The following ASXL3 variants were observed in gnomAD, a reference collection of about 807,000 sequenced individuals.
ASXL3 encodes putative Polycomb group protein ASXL3.
Under a neutral mutation model 170.6 loss-of-function variants are expected in ASXL3, and 34 were observed. That is an observed-to-expected ratio of 0.20 (90% CI 0.15 to 0.27). The LOEUF (loss-of-function observed/expected upper bound fraction) is 0.27. Ranked by LOEUF, ASXL3 falls within the 10% of genes least tolerant of loss-of-function variation. ASXL3 has a pLI of 1.00. For missense variants in ASXL3, 2,592 were observed against 2,695.3 expected, an observed-to-expected ratio of 0.96 and a Z score of 0.85; for synonymous variants, 1,002 against 989.1, an observed-to-expected ratio of 1.01 and a Z score of -0.24.
At chr18:33,659,663 A>T (rs117250343) in intron 4 of ASXL3, among the ~76,000 whole-genome samples, 1,927 of 152,230 alleles carry the variant, frequency 0.013, 32 homozygotes, top group Middle Eastern at 0.037. Context: ...ATTTCTTGAT[A>T]AATAAGCTTT....
chr18:33,613,217 T>C (rs2065364774), intron 2 of ASXL3, among the ~76,000 whole-genome samples: 1 of 152,072 alleles, frequency 6.6e-6, no homozygotes, highest in South Asian at 2.1e-4. Flanking sequence ...GCCAGATGGT[T>C]CTGGGTAGTG....
Position 33,745,991 on chromosome 18 carries a change from C to T in ASXL3, c.6143C>T (p.Ala2048Val), listed in dbSNP as rs374198339. 4 of 1,585,260 alleles carry T rather than the reference C, an allele frequency of 2.5e-6. No homozygotes were observed. The highest frequency in any genetic ancestry group is 1.4e-5 in the African/African-American group (1 of 71,612). Reference sequence around the variant, plus strand: ...CCGCTACCTCCACCTCTCCCTAATGCAGAAGTCCCATCTGATCAAAAACAA... The same window carrying T: ...CCGCTACCTCCACCTCTCCCTAATGTAGAAGTCCCATCTGATCAAAAACAA... The part of the protein sequence containing the change: ...PPPLPPPLPN[A>V]EVPSDQKQPP... Residue 2048 changes from alanine (A) to valine (V), a missense_variant, in exon 12 of 12, where the codon GCA becomes GTA. By Grantham distance (64) the Ala-to-Val change is moderately conservative (BLOSUM62 0). Around this residue, in one of 4 missense-constraint regions of ASXL3, gnomAD observed 2,246 missense variants for 2,219.6 expected, o/e 1.01. Transcript: ENST00000269197.
At position 33,744,038 on chromosome 18, in the gene ASXL3, G is replaced by A. The variant is rs1363787473; in HGVS notation, c.4190G>A (p.Cys1397Tyr). 1.9e-6 allele frequency: 3 copies of A among 1,614,028 alleles called. No homozygotes were observed. The highest frequency in any genetic ancestry group is 1.7e-6 in the Non-Finnish European group (2 of 1,179,894). Residue 1397 changes from cysteine to tyrosine, a missense_variant, in exon 12 of 12, where the codon TGC (cysteine) becomes TAC (tyrosine). Cys to Tyr is a radical substitution (Grantham distance 194). Transcript: ENST00000269197. The stretch of plus-strand genomic sequence containing the variant: ...ACCACTGTGAGAGCAGCCCTCAGCT[G>A]CAGTGATTCTGTAGCGGTCACAGAC... ...MGTTVRAALS[C>Y]SDSVAVTDSL...
At chr18:33,730,329 G>A (rs569260920) in intron 8 of ASXL3, among the ~76,000 whole-genome samples, 1 of 152,232 alleles carries the variant, frequency 6.6e-6, no homozygotes, top group African/African-American at 2.4e-5. Context: ...TGGGAACCTG[G>A]ACTTCTAATC....
intron 8 of ASXL3, among the ~76,000 whole-genome samples, chr18:33,727,393 G>A (rs960991967): frequency 2.6e-5 from 4 of 152,038 alleles, no homozygotes; most frequent in Non-Finnish European, 5.9e-5. Flanking sequence ...TATGCAAGGA[G>A]GAAAGTTTAT....
chr18:33,605,277 G>C (rs1235766002), intron 1 of ASXL3, among the ~76,000 whole-genome samples: 1 of 151,980 alleles, frequency 6.6e-6, no homozygotes, highest in Non-Finnish European at 1.5e-5. Flanking sequence ...TCTGATTCAT[G>C]TCTCTGCCAT....
chr18:33,640,637 G>T (rs1420167245), intron 2 of ASXL3, among the ~76,000 whole-genome samples: 1 of 152,048 alleles, frequency 6.6e-6, no homozygotes, highest in Non-Finnish European at 1.5e-5. Flanking sequence ...CACAGATACT[G>T]TATCAAGAAT....
chr18:33,617,084 G>A (rs1397674466), intron 2 of ASXL3, among the ~76,000 whole-genome samples: 1 of 152,104 alleles, frequency 6.6e-6, no homozygotes, highest in Non-Finnish European at 1.5e-5. Flanking sequence ...CATTTTGAAA[G>A]TTATTTATAA....
At chr18:33,591,935 T>A (rs939894500) in intron 1 of ASXL3, among the ~76,000 whole-genome samples, 2 of 152,128 alleles carry the variant, frequency 1.3e-5, no homozygotes, top group African/African-American at 2.4e-5. Flanking sequence ...CTACTTATTT[T>A]TTTTTTTGGA....
intron 2 of ASXL3, among the ~76,000 whole-genome samples, chr18:33,642,497 G>A (rs1020764183): frequency 6.6e-6 from 1 of 151,824 alleles, no homozygotes; most frequent in African/African-American, 2.4e-5. Flanking sequence ...TGTAAAATTT[G>A]CATTTGACTG....
Position 33,744,390 on chromosome 18 carries a change from G to A in ASXL3, c.4542G>A (p.Val1514=). Residue 1514 remains valine (V), a synonymous_variant, in exon 12 of 12, where the codon GTG becomes GTA. Transcript: ENST00000269197. ...PVRTEASVQP[V]ACPQVSVISR... Reference sequence around the variant, plus strand: ...GGACAGAGGCATCCGTACAGCCCGTGGCGTGTCCTCAGGTGTCTGTGATTA... The same window carrying A: ...GGACAGAGGCATCCGTACAGCCCGTAGCGTGTCCTCAGGTGTCTGTGATTA... The A allele has an allele frequency of 6.2e-7, 1 of 1,613,814 alleles. No individual in the cohort carries two copies. Among genetic ancestry groups the A allele is most frequent in the Non-Finnish European group, 8.5e-7 (1 of 1,179,784 alleles).
At chr18:33,683,670 C>A in intron 8 of ASXL3, 102 bp downstream of exon 8, 1 of 1,190,836 alleles carries the variant, frequency 8.4e-7, no homozygotes, top group Non-Finnish European at 1.1e-6. Context: ...ATAGTAATTT[C>A]TGTAATTTAT....
intron 2 of ASXL3, among the ~76,000 whole-genome samples, chr18:33,636,572 A>C (rs1006381941): frequency 5.3e-5 from 8 of 152,130 alleles, no homozygotes; most frequent in Non-Finnish European, 1.0e-4. Context: ...TGAAGTGAAA[A>C]TGTAAGGTTT....
At chr18:33,665,076 A>G (rs1417575172) in intron 5 of ASXL3, among the ~76,000 whole-genome samples, 4 of 152,130 alleles carry the variant, frequency 2.6e-5, no homozygotes, top group Non-Finnish European at 5.9e-5. Flanking sequence ...GTGTAAAAAG[A>G]TTAGATTTTG....
Position 33,745,421 on chromosome 18 carries a change from C to G in ASXL3, c.5573C>G (p.Pro1858Arg), listed in dbSNP as rs750010106. The change falls in exon 12 of 12, where the codon CCT (proline) becomes CGT (arginine). Residue 1858 changes from proline (P) to arginine (R), a missense_variant. This residue lies in a region of ASXL3 where 2,246 missense variants were observed against 2,219.6 expected (regional missense o/e 1.01). Coordinates refer to ENST00000269197, the MANE Select transcript of ASXL3 (RefSeq NM_030632.3). ...GTGGAGCCAGATGTTAAAGGGGTGCCTTGTGTCATCAGTTCCGGCATCAGT... is the reference window on the plus strand; with the variant it reads ...GTGGAGCCAGATGTTAAAGGGGTGCGTTGTGTCATCAGTTCCGGCATCAGT... The part of the protein sequence containing the change: ...LLVEPDVKGV[P>R]CVISSGISQL... 1.2e-5 allele frequency: 19 copies of G among 1,613,830 alleles called. No individual in the cohort carries two copies. The highest frequency in any genetic ancestry group is 1.5e-5 in the Non-Finnish European group (18 of 1,179,892).
chr18:33,603,914 A>T (rs146800019), intron 1 of ASXL3, among the ~76,000 whole-genome samples: 19 of 152,170 alleles, frequency 1.2e-4, no homozygotes, highest in African/African-American at 4.1e-4. Flanking sequence ...TTGTGAAGAG[A>T]CAGTGATATG....
chr18:33,712,935 C>T (rs557279303), intron 8 of ASXL3, among the ~76,000 whole-genome samples: 5 of 152,064 alleles, frequency 3.3e-5, no homozygotes, highest in African/African-American at 1.2e-4. Context: ...TCTTTTTGTC[C>T]CATCTGCTGC....
chr18:33,746,882 C>CTTT lies in ASXL3; in HGVS notation c.*289_*291dup. 1 of 325,138 alleles carries CTTT rather than the reference C, an allele frequency of 3.1e-6. No individual in the cohort carries two copies. Among genetic ancestry groups the CTTT allele is most frequent in the East Asian group, 5.1e-5 (1 of 19,726 alleles). The allele number at this position is 325,138 out of a possible 1,614,324, so 20.1% of individuals were successfully genotyped here. A position where few individuals can be genotyped will look rare whatever the true frequency, so the allele number is the denominator to read the frequency against. On this transcript the variant is annotated 3_prime_UTR_variant, in exon 12 of 12. Coordinates refer to ENST00000269197, the MANE Select transcript of ASXL3 (RefSeq NM_030632.3). ...AAGTCAATGCCCCATTTTTGTTTTTCTTTTAACCGAGGTGTAGATAGGAAA... is the reference window on the plus strand; with the variant it reads ...AAGTCAATGCCCCATTTTTGTTTTTCTTTTTTTAACCGAGGTGTAGATAGGAAA...
intron 8 of ASXL3, among the ~76,000 whole-genome samples, chr18:33,701,785 G>A (rs2066878482): frequency 6.6e-6 from 1 of 152,016 alleles, no homozygotes; most frequent in Admixed American, 6.6e-5. Context: ...AATATAGAAA[G>A]TTAAACATTT....
Sources: gnomAD v4.1 joint callset for allele counts (sites outside exome capture counted in the v4.1 genomes callset) on GRCh38, gnomAD v4.1.1 for gene constraint, gnomAD v4.1.1 regional missense constraint, MANE v1.5 for transcripts, NCBI Gene and HGNC (gene_info 2026-07-23, HGNC 2026-07-21) for gene names.